The following BAIAP2 variants were observed in gnomAD, a reference collection of about 807,000 sequenced individuals.
The protein encoded by BAIAP2 is BAR/IMD domain containing adaptor protein 2.
In BAIAP2, 18 loss-of-function variants were observed where a neutral mutation model predicts 63.0. The ratio of observed to expected loss-of-function variants is 0.29; its 90% confidence interval spans 0.20 to 0.42. BAIAP2 has a LOEUF of 0.42. BAIAP2 is among the 10% of genes least tolerant of loss of function. The pLI, the probability that BAIAP2 is intolerant of heterozygous loss-of-function variation, is 1.00. For synonymous variants in BAIAP2, 386 were observed against 307.6 expected, an observed-to-expected ratio of 1.25 and a Z score of -2.67; for missense variants, 610 against 734.3, an observed-to-expected ratio of 0.83 and a Z score of 1.96.
At chr17:81,050,978 C>T (rs1232247279) in intron 1 of BAIAP2, among the ~76,000 whole-genome samples, 1 of 151,882 alleles carries the variant, frequency 6.6e-6, no homozygotes, top group African/African-American at 2.4e-5. Flanking sequence ...GAGAGCGCAC[C>T]AGGTCCCAGC....
chr17:81,038,805 T>C (rs1437764132), intron 1 of BAIAP2, among the ~76,000 whole-genome samples: 1 of 152,168 alleles, frequency 6.6e-6, no homozygotes, highest in Non-Finnish European at 1.5e-5. Context: ...TGTGCAGAGC[T>C]CACCATCCCC....
intron 1 of BAIAP2, among the ~76,000 whole-genome samples, chr17:81,045,004 T>C (rs2047610161): frequency 1.3e-5 from 2 of 152,224 alleles, no homozygotes; most frequent in Admixed American, 6.5e-5. Flanking sequence ...GAAGCTGGGA[T>C]AGGCAGGATG....
chr17:81,088,536 C>T (rs1055898113), intron 6 of BAIAP2, among the ~76,000 whole-genome samples: 2 of 152,256 alleles, frequency 1.3e-5, no homozygotes, highest in Non-Finnish European at 2.9e-5. Context: ...CCCCACCAGT[C>T]ACCAGCCTGC....
chr17:81,116,160 G>C lies in BAIAP2; in HGVS notation c.*321G>C. 6.2e-7 allele frequency: 1 copy of C among 1,603,056 alleles called. No homozygotes were observed. Among genetic ancestry groups the C allele is most frequent in the Admixed American group, 1.7e-5 (1 of 59,826 alleles). On this transcript the variant is annotated 3_prime_UTR_variant, in exon 14 of 14. Transcript: ENST00000428708. ...GTTAAGGGAGGACATTTGGCCAGCT[G>C]GTGGCTGGGAGGGGAGCCTGGCTGC...
intron 6 of BAIAP2, chr17:81,098,217 G>C: frequency 7.6e-7 from 1 of 1,316,144 alleles, no homozygotes. Flanking sequence ...AACAAGCCCT[G>C]CACCCATGGG....
At chr17:81,097,628 C>T (rs2057850774) in intron 6 of BAIAP2, 1 of 153,072 alleles carries the variant, frequency 6.5e-6, no homozygotes, top group Non-Finnish European at 1.5e-5. Context: ...GACGGGCAAT[C>T]CCGGTGGACG....
intron 13 of BAIAP2, chr17:81,109,983 C>G (rs1184584349): frequency 1.0e-6 from 1 of 985,350 alleles, no homozygotes; most frequent in African/African-American, 1.7e-5. Flanking sequence ...CCGGTTCTTC[C>G]TAAACGCTCT....
In BAIAP2 at chr17:81,104,259, G is replaced by T. The variant is rs373479464; in HGVS notation, c.1066+151G>T. 11 of 931,902 alleles carry T rather than the reference G, an allele frequency of 1.2e-5. No individual in the cohort carries two copies. In the African/African-American group the frequency reaches 1.5e-4, roughly 13 times the overall value. 57.7% of individuals were successfully genotyped at this position (931,902 alleles called of 1,614,324 possible). On this transcript the variant is annotated intron_variant, in intron 9 of 13. Coordinates refer to ENST00000428708, the MANE Select transcript of BAIAP2 (RefSeq NM_001144888.2). ...ACCTACATGCATGTGGTACACACAC[G>T]TGTGCCTGCCCAGCATCCAGCTCCC...
intron 11 of BAIAP2, among the ~76,000 whole-genome samples, 155 bp from the exon 12 acceptor site, chr17:81,106,590 G>A (rs1017758909): frequency 1.3e-5 from 2 of 152,230 alleles, no homozygotes; most frequent in Admixed American, 1.3e-4. Context: ...GACTGGCCCG[G>A]CCCATGGTCC....
At chr17:81,049,449 GC>G (rs1361438307) in intron 1 of BAIAP2, among the ~76,000 whole-genome samples, 1 of 152,118 alleles carries the variant, frequency 6.6e-6, no homozygotes, top group Non-Finnish European at 1.5e-5. Context: ...CTCTCTCCTG[GC>G]CTAGGTTTTT....
intron 3 of BAIAP2, among the ~76,000 whole-genome samples, chr17:81,074,013 C>T (rs757997701): frequency 2.0e-5 from 3 of 152,228 alleles, no homozygotes; most frequent in African/African-American, 4.8e-5. Context: ...CACGTGCCAA[C>T]GCAACACAGC....
At chr17:81,099,779 C>T (rs571873691) in intron 6 of BAIAP2, 149 bp from the exon 7 acceptor site, 3 of 881,500 alleles carry the variant, frequency 3.4e-6, no homozygotes, top group East Asian at 5.6e-5. Flanking sequence ...GCGTGGTTGT[C>T]TCCTGAGTGG....
intron 13 of BAIAP2, chr17:81,110,090 G>C (rs1468915631): frequency 5.1e-6 from 5 of 985,230 alleles, no homozygotes; most frequent in African/African-American, 1.7e-5. Context: ...GGGGAATTGA[G>C]TGCAGGGCAC....
chr17:81,102,373 A>G (rs576550533), intron 7 of BAIAP2, among the ~76,000 whole-genome samples: 4 of 152,042 alleles, frequency 2.6e-5, no homozygotes, highest in East Asian at 1.9e-4. Flanking sequence ...TCTCCGCGCC[A>G]CCCAAGACTC....
At chr17:81,107,271 G>A (rs964737628) in intron 12 of BAIAP2, 2 of 232,064 alleles carry the variant, frequency 8.6e-6, no homozygotes, top group East Asian at 9.4e-5. Flanking sequence ...GGAGAGCCAG[G>A]GGGGCAGGAT....
In BAIAP2 at chr17:81,049,093, G is replaced by A. The variant is rs1390701834; in HGVS notation, c.55-4575G>A. ...GAAGTCCGTGCCGGCCCGGGAACGC[G>A]GCCCAGGGAGCCAGTGCGTGGTCGC... On this transcript the variant is annotated intron_variant, in intron 1 of 13. Coordinates refer to ENST00000428708, the MANE Select transcript of BAIAP2 (RefSeq NM_001144888.2). Among the ~76,000 whole-genome samples the A allele has an allele frequency of 3.3e-5, 5 of 152,266 alleles. No homozygotes were observed. In the East Asian group the frequency reaches 5.8e-4, roughly 18 times the overall value.
chr17:81,079,018 C>G (rs1237611284), intron 3 of BAIAP2, among the ~76,000 whole-genome samples: 1 of 152,114 alleles, frequency 6.6e-6, no homozygotes, highest in Admixed American at 6.5e-5. Context: ...GTTGTGGGGT[C>G]TCACCGATCT....
At position 81,096,624 on chromosome 17, in the gene BAIAP2, G is replaced by A. The variant is rs140258972; in HGVS notation, c.490-3304G>A. ...TGCACAAGCCCACTTGTTTCTCGGA[G>A]CACACCCTCCCCACCCAGTCCCTTT... On this transcript the variant is annotated intron_variant, in intron 6 of 13. Coordinates refer to ENST00000428708, the MANE Select transcript of BAIAP2 (RefSeq NM_001144888.2). Among the ~76,000 whole-genome samples the A allele has an allele frequency of 6.1e-3, 937 of 152,366 alleles. 9 individuals carry two copies. Among genetic ancestry groups the A allele is most frequent in the African/African-American group, 0.02 (828 of 41,586 alleles).
chr17:81,066,127 C>G (rs1351266680), intron 3 of BAIAP2, among the ~76,000 whole-genome samples: 3 of 152,262 alleles, frequency 2.0e-5, no homozygotes, highest in Non-Finnish European at 4.4e-5. Flanking sequence ...CCTTTCCCAT[C>G]TCTGGAGGCC....
Sources: allele counts gnomAD v4.1 joint callset (sites outside exome capture counted in the v4.1 genomes callset), GRCh38; gene constraint gnomAD v4.1.1; transcripts MANE v1.5; gene names NCBI Gene and HGNC (gene_info 2026-07-23, HGNC 2026-07-21).